The following CUL4B variants were observed in gnomAD, a reference collection of about 807,000 sequenced individuals.
CUL4B encodes the protein cullin 4B, also known as cullin-4B.
A neutral mutation model predicts 69.2 loss-of-function variants in CUL4B; 1 was observed. That is an observed-to-expected ratio of 0.01 (90% CI 0.01 to 0.07). The LOEUF is 0.07. Among genes scored for constraint, CUL4B ranks in the 10% least tolerant of loss-of-function variants. The probability of loss-of-function intolerance (pLI) is 1.00; values close to 1 mark genes in which losing one functional copy is unlikely to be tolerated. For synonymous variants in CUL4B, 237 were observed against 223.2 expected (o/e 1.06, Z -0.55); for missense variants, 328 against 638.8 (o/e 0.51, Z 5.24).
In CUL4B at chrX:120,538,222, T is replaced by A. The variant is rs896412935; in HGVS notation, c.1853-13A>T. The A allele has an allele frequency of 1.9e-6, 2 of 1,075,459 alleles. No homozygotes were observed. The highest frequency in any genetic ancestry group is 1.3e-6 in the Non-Finnish European group (1 of 775,580). The allele number at this position is 1,075,459 out of a possible 1,213,427, so 88.6% of individuals were successfully genotyped here. On this transcript the variant is annotated splice_polypyrimidine_tract_variant and intron_variant, in intron 13 of 19. Transcript: ENST00000371322. ...GCAGCTCCGCATTCTATTAAAGATGTTTGTACATGTATAATATTTTAAAGT... is the reference window on the plus strand; with the variant it reads ...GCAGCTCCGCATTCTATTAAAGATGATTGTACATGTATAATATTTTAAAGT...
chrX:120,566,363 A>G (rs868676440), upstream of CUL4B, among the ~76,000 whole-genome samples: 2 of 57,138 alleles, frequency 3.5e-5, no homozygotes, highest in African/African-American at 5.5e-5. Context: ...ATATATATAT[A>G]TATATATATA....
At position 120,547,227 on chromosome X, in the gene CUL4B, G is replaced by T; in HGVS notation, c.685C>A (p.Leu229Ile). The change falls in exon 3 of 20, where the codon CTC becomes ATC. Residue 229 changes from leucine to isoleucine, a missense_variant. Leu to Ile is a conservative substitution (Grantham distance 5). Coordinates refer to ENST00000371322, the MANE Select transcript of CUL4B (RefSeq NM_001079872.2). ...LEELYQAVEN[L>I]CSYKISANLY... ...TTTGCAGAAATCTTGTAAGAACAGA[G>T]ATTTTCTACAGCCTGCAAGGTTAAA... 8.5e-7 allele frequency: 1 copy of T among 1,175,079 alleles called. No individual in the cohort carries two copies. The highest frequency in any genetic ancestry group is 1.2e-6 in the Non-Finnish European group (1 of 862,782).
At chrX:120,567,717 G>GAA (rs778401536), downstream of CUL4B, among the ~76,000 whole-genome samples, 20 of 81,111 alleles carry the variant, frequency 2.5e-4, no homozygotes, top group Admixed American at 7.1e-4. Flanking sequence ...TGTCTCTATC[G>GAA]AAAAAAAAAA....
chrX:120,561,602 A>C, upstream of CUL4B, among the ~76,000 whole-genome samples: 2 of 105,219 alleles, frequency 1.9e-5, no homozygotes, highest in East Asian at 3.1e-4. Flanking sequence ...GGGGGAGGGA[A>C]GGTAGTGACG....
intron 1 of CUL4B, chrX:120,574,686 A>T: frequency 4.6e-6 from 4 of 878,134 alleles, no homozygotes; most frequent in Non-Finnish European, 6.8e-6. Context: ...ATATCTGTAT[A>T]GTGTTATGAA....
In CUL4B at chrX:120,541,750, T is replaced by C. The variant is rs760599297; in HGVS notation, c.1325-30A>G. 5 of 903,047 alleles carry C rather than the reference T, an allele frequency of 5.5e-6. No individual in the cohort carries two copies. In the Admixed American group the frequency reaches 1.1e-4, roughly 20 times the overall value. The allele number at this position is 903,047 out of a possible 1,213,427, so 74.4% of individuals were successfully genotyped here. ...ATTTTAAAACATTTTGGCATTAAAA[T>C]ATAGTGAACAAAAAAGTGAACAAGA... is the stretch of plus-strand genomic sequence containing the variant. On this transcript the variant is annotated intron_variant, in intron 9 of 19. Transcript: ENST00000371322.
At position 120,545,509 on chromosome X, in the gene CUL4B, G is replaced by A; in HGVS notation, c.855C>T (p.Ile285=). The change falls in exon 5 of 20, where the codon ATC becomes ATT. Residue 285 remains isoleucine (I), a synonymous_variant. Transcript: ENST00000371322. ...TATCCAGAAACAAAAAAATGCTCCTGATCATGATCTGCCAATGAAAAAAAA... is the reference window on the plus strand; with the variant it reads ...TATCCAGAAACAAAAAAATGCTCCTAATCATGATCTGCCAATGAAAAAAAA... ...WQNHCRQMIM[I]RSIFLFLDRT... is the part of the protein sequence containing the mutation. 1.7e-6 allele frequency: 2 copies of A among 1,159,639 alleles called. No individual in the cohort carries two copies. Among genetic ancestry groups the A allele is most frequent in the East Asian group, 3.0e-5 (1 of 32,993 alleles).
chrX:120,543,868 C>G, intron 7 of CUL4B, 59 bp from the exon 8 acceptor site: 2 of 906,131 alleles, frequency 2.2e-6, no homozygotes, highest in Non-Finnish European at 3.2e-6. Context: ...CAGAAAATGT[C>G]AAGTCCAAAA....
At chrX:120,534,215 A>T (rs1011812536) in intron 17 of CUL4B, among the ~76,000 whole-genome samples, 4 of 108,291 alleles carry the variant, frequency 3.7e-5, no homozygotes, top group East Asian at 2.9e-4. Flanking sequence ...ACAAAAAAAA[A>T]TTTTAAAAAT....
At chrX:120,575,272 A>T (rs1482456844) in intron 1 of CUL4B, 1 of 112,734 alleles carries the variant, frequency 8.9e-6, no homozygotes, top group East Asian at 2.8e-4. Context: ...AGAATAACTT[A>T]AAATTGCCTA....
At chrX:120,530,391 A>G (rs770199279) in intron 18 of CUL4B, 137 bp from the exon 19 acceptor site, 1 of 556,129 alleles carries the variant, frequency 1.8e-6, no homozygotes, top group South Asian at 2.8e-5. Context: ...TTATAAATAT[A>G]GATGCTGACA....
intron 18 of CUL4B, among the ~76,000 whole-genome samples, chrX:120,531,501 C>T (rs1923314179): frequency 9.5e-6 from 1 of 105,591 alleles, no homozygotes; most frequent in African/African-American, 3.5e-5. Flanking sequence ...TCACTGTCAC[C>T]CAGGCTGCAG....
At chrX:120,555,467 T>C (rs1924907110) in intron 2 of CUL4B, among the ~76,000 whole-genome samples, 1 of 111,815 alleles carries the variant, frequency 8.9e-6, no homozygotes, top group Admixed American at 9.5e-5. Flanking sequence ...AACAATTTAA[T>C]TGTTTCAAAC....
intron 1 of CUL4B, among the ~76,000 whole-genome samples, chrX:120,559,363 A>G (rs1346906048): frequency 8.9e-6 from 1 of 112,122 alleles, no homozygotes; most frequent in Non-Finnish European, 1.9e-5. Flanking sequence ...TACTCTCCTC[A>G]CATATCTCAA....
At chrX:120,561,363 C>G (rs767820716), upstream of CUL4B, 9 of 565,968 alleles carry the variant, frequency 1.6e-5, no homozygotes, top group South Asian at 4.5e-5. Flanking sequence ...CGCGCCGCAG[C>G]GCCCTTACCG....
chrX:120,530,245 G>T lies in CUL4B; in HGVS notation c.2449C>A (p.Gln817Lys). ...QIQMKETVEE[Q>K]ASTTERVFQD... is the part of the protein sequence containing the mutation. ...AATACTCTTTCTGTAGTGCTTGCTT[G>T]TTCTTCAACCTAACAAAAAAGTTTT... Residue 817 changes from glutamine (Q) to lysine (K), a missense_variant, in exon 19 of 20, where the codon CAA becomes AAA. Around this residue, in one of 4 missense-constraint regions of CUL4B, gnomAD observed 98 missense variants for 296.8 expected, o/e 0.33. Coordinates refer to ENST00000371322, the MANE Select transcript of CUL4B (RefSeq NM_001079872.2). 1 of 1,209,560 alleles carries T rather than the reference G, an allele frequency of 8.3e-7. No individual in the cohort carries two copies. The highest frequency in any genetic ancestry group is 1.1e-6 in the Non-Finnish European group (1 of 894,283).
At chrX:120,533,017 A>C (rs1923418693) in intron 17 of CUL4B, among the ~76,000 whole-genome samples, 1 of 112,442 alleles carries the variant, frequency 8.9e-6, no homozygotes, top group African/African-American at 3.2e-5. Context: ...TGGCTGTTTT[A>C]CTATCAACTG....
rs1186894052 is a variant in CUL4B, at chrX:120,560,944, GGAGCGACTCAGC to G, written c.-318_-307del. The G allele has an allele frequency of 1.3e-6, 1 of 753,866 alleles. No individual in the cohort carries two copies. The highest frequency in any genetic ancestry group is 2.3e-5 in the African/African-American group (1 of 43,667). 62.1% of individuals were successfully genotyped at this position (753,866 alleles called of 1,213,427 possible). ...CGATCTCTCTCCCCCCCTTTCTGCA[GGAGCGACTCAGC>G]GAGTCTGTGAGGCTGCAGCTCCTCC... is the stretch of plus-strand genomic sequence containing the variant. On this transcript the variant is annotated 5_prime_UTR_variant, in exon 1 of 20. Coordinates refer to ENST00000371322, the MANE Select transcript of CUL4B (RefSeq NM_001079872.2).
intron 1 of CUL4B, among the ~76,000 whole-genome samples, chrX:120,559,510 C>T (rs981291691): frequency 2.8e-4 from 31 of 112,240 alleles, no homozygotes; most frequent in African/African-American, 9.7e-4. Flanking sequence ...TGTGTATACA[C>T]AATGTTTTTC....
Sources: gnomAD v4.1 joint callset for allele counts (sites outside exome capture counted in the v4.1 genomes callset) on GRCh38, gnomAD v4.1.1 for gene constraint, gnomAD v4.1.1 regional missense constraint, MANE v1.5 for transcripts, NCBI Gene and HGNC (gene_info 2026-07-23, HGNC 2026-07-21) for gene names.